The following IFT122 variants were observed in gnomAD, a reference collection of about 807,000 sequenced individuals.
The protein encoded by IFT122 is intraflagellar transport 122.
A neutral mutation model predicts 161.6 loss-of-function variants in IFT122; 118 were observed. That is an observed-to-expected ratio of 0.73 (90% confidence interval 0.63 to 0.85). The LOEUF (loss-of-function observed/expected upper bound fraction) is 0.85, where lower values mean the gene tolerates loss of function less well. Among genes scored for constraint, IFT122 ranks in the 40% least tolerant of loss-of-function variants. The pLI, the probability that IFT122 is intolerant of heterozygous loss-of-function variation, is 0.00. For synonymous variants in IFT122, 550 were observed against 602.4 expected, an observed-to-expected ratio of 0.91 and a Z score of 1.27; for missense variants, 1,381 against 1,579.6, an observed-to-expected ratio of 0.87 and a Z score of 2.13.
At chr3:129,444,048 A>G (rs1363574915) in intron 1 of IFT122, among the ~76,000 whole-genome samples, 1 of 152,224 alleles carries the variant, frequency 6.6e-6, no homozygotes. Context: ...TCCAACATCT[A>G]ATAATCCACC....
chr3:129,469,461 A>G (rs746117912), intron 9 of IFT122, 44 bp downstream of exon 9: 5 of 1,423,670 alleles, frequency 3.5e-6, no homozygotes, highest in Non-Finnish European at 4.0e-6. Context: ...TGCCTGTTAT[A>G]TTTTCATTTT....
chr3:129,519,311 C>A, intron 28 of IFT122, 125 bp downstream of exon 28: 3 of 1,037,200 alleles, frequency 2.9e-6, no homozygotes, highest in Non-Finnish European at 4.4e-6. Context: ...TGTGGTGGCA[C>A]GAAGGAGGGG....
Position 129,464,748 on chromosome 3 carries a change from C to T in IFT122, c.530C>T (p.Ser177Leu), listed in dbSNP as rs770572794. The change falls in exon 7 of 30, where the codon TCG becomes TTG. Residue 177 changes from serine (S) to leucine (L), a missense_variant. This residue lies in a region of IFT122 where 544 missense variants were observed against 648.0 expected (regional missense o/e 0.84). Coordinates refer to ENST00000348417, the MANE Select transcript of IFT122 (RefSeq NM_052989.3). Reference protein sequence around the residue: ...VKIERPGGSLSPIWSICWNPS... With the variant: ...VKIERPGGSLLPIWSICWNPS... ...ATCGAGCGGCCGGGGGGCTCCCTCT[C>T]GCCAATATGGTCCATCTGCTGGAAC... 9 of 1,614,096 alleles carry T rather than the reference C, an allele frequency of 5.6e-6. No homozygotes were observed. Among genetic ancestry groups the T allele is most frequent in the African/African-American group, 5.3e-5 (4 of 75,000 alleles).
intron 26 of IFT122, among the ~76,000 whole-genome samples, chr3:129,516,312 ACTGCCCCTG>A (rs2083585583): frequency 8.9e-6 from 1 of 111,776 alleles, no homozygotes; most frequent in Non-Finnish European, 1.7e-5. Context: ...ACACACAGAG[ACTGCCCCTG>A]CACACACACA....
At position 129,466,878 on chromosome 3, in the gene IFT122, T is replaced by C. The variant is rs2076858050; in HGVS notation, c.564-12T>C. 4 of 1,613,134 alleles carry C rather than the reference T, an allele frequency of 2.5e-6. No homozygotes were observed. The highest frequency in any genetic ancestry group is 3.4e-6 in the Non-Finnish European group (4 of 1,179,038). ...GGCAATGTAATTTTGAACAACTACT[T>C]ACTGTCTACAGCCGATGGGAGAGTT... On this transcript the variant is annotated splice_polypyrimidine_tract_variant and intron_variant, in intron 7 of 29. Coordinates refer to ENST00000348417, the MANE Select transcript of IFT122 (RefSeq NM_052989.3).
At chr3:129,463,708 A>C in intron 6 of IFT122, 82 bp downstream of exon 6, 1 of 1,199,600 alleles carries the variant, frequency 8.3e-7, no homozygotes, top group Non-Finnish European at 1.2e-6. Flanking sequence ...CATGCAGCAG[A>C]GAAGGTCTTG....
chr3:129,451,255 C>T (rs1294604607), intron 2 of IFT122, among the ~76,000 whole-genome samples: 1 of 152,000 alleles, frequency 6.6e-6, no homozygotes, highest in African/African-American at 2.4e-5. Context: ...CACACCACCT[C>T]GTCCACCTAA....
At chr3:129,458,542 C>T in intron 3 of IFT122, 57 bp from the exon 4 acceptor site, 1 of 1,415,806 alleles carries the variant, frequency 7.1e-7, no homozygotes, top group Non-Finnish European at 1.0e-6. Context: ...AGAATTCTCT[C>T]TGGGAAATGC....
At chr3:129,506,682 T>C in intron 22 of IFT122, 133 bp downstream of exon 22, 1 of 1,265,902 alleles carries the variant, frequency 7.9e-7, no homozygotes, top group Non-Finnish European at 1.1e-6. Context: ...AAGCCTGCCT[T>C]GCAGTGGCGT....
At chr3:129,480,958 T>C (rs1047838820) in intron 13 of IFT122, among the ~76,000 whole-genome samples, 1 of 152,106 alleles carries the variant, frequency 6.6e-6, no homozygotes, top group Non-Finnish European at 1.5e-5. Flanking sequence ...GAGGCTGAGA[T>C]AGGAGGATCA....
At chr3:129,503,125 G>T (rs1418977924) in intron 20 of IFT122, among the ~76,000 whole-genome samples, 1 of 152,230 alleles carries the variant, frequency 6.6e-6, no homozygotes, top group East Asian at 1.9e-4. Flanking sequence ...AGCTCTGCCA[G>T]GGTGGTGACA....
chr3:129,463,728 G>C (rs2076420558), intron 6 of IFT122, 102 bp downstream of exon 6: 1 of 947,486 alleles, frequency 1.1e-6, no homozygotes. Flanking sequence ...GTGTTAGGTA[G>C]TTGGTTTAGG....
intron 18 of IFT122, among the ~76,000 whole-genome samples, chr3:129,496,899 A>T: frequency 6.6e-6 from 1 of 152,152 alleles, no homozygotes; most frequent in Non-Finnish European, 1.5e-5. Context: ...CTCAGGATGA[A>T]CCCTTAAGGG....
chr3:129,487,301 C>T (rs1157483775), intron 15 of IFT122, among the ~76,000 whole-genome samples: 3 of 152,190 alleles, frequency 2.0e-5, no homozygotes, highest in Non-Finnish European at 4.4e-5. Context: ...CACATATACA[C>T]GCGTGCATAC....
At chr3:129,489,776 G>A (rs1389758409) in intron 16 of IFT122, among the ~76,000 whole-genome samples, 3 of 150,674 alleles carry the variant, frequency 2.0e-5, no homozygotes, top group Admixed American at 6.6e-5. Context: ...GAGGCGGAGC[G>A]TGCAGTGAGC....
At chr3:129,515,210 G>T (rs549583635) in intron 25 of IFT122, 2 of 568,358 alleles carry the variant, frequency 3.5e-6, no homozygotes, top group Non-Finnish European at 6.4e-6. Flanking sequence ...GGTGGCAGCG[G>T]CCACTGTCAT....
At position 129,478,193 on chromosome 3, in the gene IFT122, G is replaced by C. The variant is rs767300559; in HGVS notation, c.1325G>C (p.Cys442Ser). 1.9e-6 allele frequency: 3 copies of C among 1,614,212 alleles called. No homozygotes were observed. The highest frequency in any genetic ancestry group is 2.5e-6 in the Non-Finnish European group (3 of 1,180,050). The change falls in exon 12 of 30, where the codon TGT becomes TCT. Residue 442 changes from cysteine (C) to serine (S), a missense_variant. Transcript: ENST00000348417. The stretch of plus-strand genomic sequence containing the variant: ...TTTGAGTGCAACCTCCTGGTGGTGT[G>C]TGCCAATCACATCATCCTGTGCCAG... ...KKFECNLLVV[C>S]ANHIILCQEK...
At chr3:129,516,816 GCACACACACACAGAGACTGCCCCTGCA>G (rs1356314556) in intron 26 of IFT122, among the ~76,000 whole-genome samples, 56 of 84,400 alleles carry the variant, frequency 6.6e-4, no homozygotes, top group African/African-American at 2.4e-3. Flanking sequence ...GACTGCCCCT[GCACACACACACAGAGACTGCCCCTGCA>G]CACACACACA....
At chr3:129,444,631 C>T (rs1376544654) in intron 1 of IFT122, among the ~76,000 whole-genome samples, 1 of 152,094 alleles carries the variant, frequency 6.6e-6, no homozygotes, top group East Asian at 1.9e-4. Context: ...AAGCCATTCT[C>T]CTGCCTCAGC....
Sources: allele counts gnomAD v4.1 joint callset (sites outside exome capture counted in the v4.1 genomes callset), GRCh38; gene constraint gnomAD v4.1.1; regional missense constraint gnomAD v4.1.1; transcripts MANE v1.5; gene names NCBI Gene and HGNC (gene_info 2026-07-23, HGNC 2026-07-21).